The following GABRG3 variants were observed in gnomAD, a reference collection of about 807,000 sequenced individuals.
GABRG3 encodes gamma-aminobutyric acid type A receptor subunit gamma3.
GABRG3 carries 25 observed loss-of-function variants against 48.8 expected under a neutral mutation model. The observed-to-expected ratio is 0.51, with a 90% CI of 0.37 to 0.72. GABRG3 has a LOEUF of 0.72. GABRG3 is among the 30% of genes least tolerant of loss of function. GABRG3 has a pLI of 0.00. For missense variants in GABRG3, 394 were observed against 577.9 expected (o/e 0.68, Z 3.26); for synonymous variants, 227 against 217.6 (o/e 1.04, Z -0.38).
intron 3 of GABRG3, among the ~76,000 whole-genome samples, chr15:27,133,203 C>T (rs530352150): frequency 1.3e-5 from 2 of 152,138 alleles, no homozygotes; most frequent in East Asian, 3.9e-4. Flanking sequence ...ATCATCCTTC[C>T]ATCTTAACAT....
At chr15:27,234,849 A>G (rs78321693) in intron 3 of GABRG3, among the ~76,000 whole-genome samples, 1 of 152,110 alleles carries the variant, frequency 6.6e-6, no homozygotes, top group South Asian at 2.1e-4. Context: ...GTTGTCAAGG[A>G]CCTGCTGCCC....
chr15:27,533,778 A>G lies in GABRG3; in HGVS notation c.*897A>G, dbSNP rs1480079022. On this transcript the variant is annotated 3_prime_UTR_variant, in exon 10 of 10. Transcript: ENST00000615808. ...CAAAGAAAGGTATACAGTGAACACA[A>G]CCTGTTATCTTGAAGACATACACCG... is the stretch of plus-strand genomic sequence containing the variant. 2 of 152,172 alleles carry G rather than the reference A, an allele frequency of 1.3e-5. No homozygotes were observed. The highest frequency in any genetic ancestry group is 4.8e-5 in the African/African-American group (2 of 41,456). 9.4% of individuals were successfully genotyped at this position (152,172 alleles called of 1,614,324 possible). A position where few individuals can be genotyped will look rare whatever the true frequency, so the allele number is the denominator to read the frequency against.
At chr15:27,058,673 C>G (rs1424760757) in intron 3 of GABRG3, among the ~76,000 whole-genome samples, 1 of 151,906 alleles carries the variant, frequency 6.6e-6, no homozygotes, top group East Asian at 1.9e-4. Context: ...AACCAGGAGC[C>G]ACCATCTTTA....
At chr15:27,451,615 G>T (rs1252070746) in intron 5 of GABRG3, among the ~76,000 whole-genome samples, 11 of 152,150 alleles carry the variant, frequency 7.2e-5, no homozygotes, top group Non-Finnish European at 1.6e-4. Context: ...AAAACTCAAT[G>T]ACATTAATCT....
At chr15:27,046,514 A>T (rs72625131) in intron 3 of GABRG3, among the ~76,000 whole-genome samples, 1 of 151,976 alleles carries the variant, frequency 6.6e-6, no homozygotes, top group Admixed American at 6.6e-5. Flanking sequence ...TGTGCTGATC[A>T]CTGTGTGGTC....
rs552550421 is a variant in GABRG3 at position 27,468,336 on chromosome 15, CGTGGAGACTTCTCAGAACT to C, written c.575-12309_575-12291del. Among the ~76,000 whole-genome samples, 57 of 152,210 alleles carry C rather than the reference CGTGGAGACTTCTCAGAACT, an allele frequency of 3.7e-4. No homozygotes were observed. In the South Asian group the frequency reaches 0.011, roughly 29 times the overall value. On this transcript the variant is annotated intron_variant, in intron 5 of 9. Transcript: ENST00000615808. ...AAGTGGTGGAATATTCCTGGAAAAA[CGTGGAGACTTCTCAGAACT>C]GTGGTGCCACCCATTTTTACAACAA...
At chr15:27,280,696 CTG>C (rs1486874599) in intron 3 of GABRG3, among the ~76,000 whole-genome samples, 2 of 152,064 alleles carry the variant, frequency 1.3e-5, no homozygotes, top group African/African-American at 2.4e-5. Flanking sequence ...AGAAAACAAA[CTG>C]TATGGTTTCA....
chr15:27,361,996 A>C (rs1412674591), intron 5 of GABRG3, among the ~76,000 whole-genome samples: 1 of 152,228 alleles, frequency 6.6e-6, no homozygotes, highest in African/African-American at 2.4e-5. Context: ...ATTAATATAT[A>C]CATGTATATC....
At chr15:27,007,246 AT>A (rs746621338) in intron 2 of GABRG3, among the ~76,000 whole-genome samples, 7 of 151,184 alleles carry the variant, frequency 4.6e-5, no homozygotes, top group Non-Finnish European at 7.4e-5. Context: ...TCCCTGGCTA[AT>A]TTTTCATATT....
At chr15:27,065,416 A>G (rs1216845818) in intron 3 of GABRG3, among the ~76,000 whole-genome samples, 1 of 152,186 alleles carries the variant, frequency 6.6e-6, no homozygotes, top group African/African-American at 2.4e-5. Context: ...AAATCCAGGA[A>G]TGTGTTTTTC....
intron 3 of GABRG3, among the ~76,000 whole-genome samples, chr15:27,051,073 C>G (rs1896448039): frequency 6.6e-6 from 1 of 152,228 alleles, no homozygotes; most frequent in Non-Finnish European, 1.5e-5. Flanking sequence ...CAATAGGACT[C>G]AGACCACAAA....
chr15:27,078,327 CTCTT>C (rs1273400902), intron 3 of GABRG3, among the ~76,000 whole-genome samples: 1 of 152,190 alleles, frequency 6.6e-6, no homozygotes, highest in South Asian at 2.1e-4. Flanking sequence ...CAATAAATCT[CTCTT>C]TCTCGACATC....
intron 3 of GABRG3, among the ~76,000 whole-genome samples, chr15:27,160,223 G>T (rs1887127444): frequency 6.6e-6 from 1 of 152,134 alleles, no homozygotes; most frequent in Non-Finnish European, 1.5e-5. Context: ...AATTTCCCCT[G>T]AGAGTTGTGC....
chr15:27,037,090 A>G (rs1896192115), intron 3 of GABRG3, among the ~76,000 whole-genome samples: 2 of 152,174 alleles, frequency 1.3e-5, no homozygotes, highest in Non-Finnish European at 2.9e-5. Flanking sequence ...AGATACCAGC[A>G]AATACCAGAA....
At chr15:27,092,024 T>A (rs902223937) in intron 3 of GABRG3, among the ~76,000 whole-genome samples, 3 of 152,232 alleles carry the variant, frequency 2.0e-5, no homozygotes, top group Non-Finnish European at 2.9e-5. Flanking sequence ...CCACCACTTT[T>A]GCTGATGTCA....
intron 3 of GABRG3, among the ~76,000 whole-genome samples, chr15:27,107,767 TTAG>T (rs922985546): frequency 1.3e-5 from 2 of 151,990 alleles, no homozygotes; most frequent in African/African-American, 2.4e-5. Flanking sequence ...TGAGTGAGTT[TTAG>T]TAGTTTGTGT....
intron 3 of GABRG3, among the ~76,000 whole-genome samples, chr15:27,027,401 A>G (rs1896003899): frequency 6.6e-6 from 1 of 152,160 alleles, no homozygotes; most frequent in Non-Finnish European, 1.5e-5. Context: ...AGGCCTGTCT[A>G]TTGCAGCCTC....
chr15:27,003,189 T>C (rs890772003), intron 2 of GABRG3, among the ~76,000 whole-genome samples: 2 of 146,666 alleles, frequency 1.4e-5, no homozygotes, highest in Non-Finnish European at 3.0e-5. Flanking sequence ...TTTAATTTTG[T>C]ATTTTTATTT....
chr15:27,472,349 C>T (rs538675123), intron 5 of GABRG3, among the ~76,000 whole-genome samples: 1 of 152,230 alleles, frequency 6.6e-6, no homozygotes, highest in South Asian at 2.1e-4. Context: ...AATCTCAGCT[C>T]ACTGCAACCT....
Sources: allele counts gnomAD v4.1 joint callset (sites outside exome capture counted in the v4.1 genomes callset), GRCh38; gene constraint gnomAD v4.1.1; transcripts MANE v1.5; gene names NCBI Gene and HGNC (gene_info 2026-07-23, HGNC 2026-07-21).